Variants in NLRP5 observed in about 807,000 individuals in gnomAD.
The protein encoded by NLRP5 is NLR family pyrin domain containing 5.
Under a neutral mutation model 113.1 loss-of-function variants are expected in NLRP5, and 93 were observed. The ratio of observed to expected loss-of-function variants is 0.82; its 90% CI spans 0.70 to 0.98. The LOEUF (loss-of-function observed/expected upper bound fraction) is 0.98. Among genes scored for constraint, NLRP5 ranks in the 50% least tolerant of loss-of-function variants. NLRP5 has a pLI of 0.00. For missense variants in NLRP5, 1,808 were observed against 1,514.3 expected (o/e 1.19, Z -3.22); for synonymous variants, 751 against 600.7 (o/e 1.25, Z -3.66).
chr19:56,026,986 T>C lies in NLRP5; in HGVS notation c.753T>C (p.Arg251=), dbSNP rs762918333. The C allele has an allele frequency of 1.5e-5, 23 of 1,551,632 alleles. No homozygotes were observed. In the Admixed American group the frequency reaches 3.9e-4, roughly 26 times the overall value. Residue 251 remains arginine (R), a synonymous_variant, in exon 7 of 15, where the codon CGT becomes CGC. Coordinates refer to ENST00000390649, the MANE Select transcript of NLRP5 (RefSeq NM_153447.4). Reference sequence around the variant, plus strand: ...TCGCTGAGGAGGAGGATGTACGTCGTAGTTTTGAAAACACTGCTGCTGACT... The same window carrying C: ...TCGCTGAGGAGGAGGATGTACGTCGCAGTTTTGAAAACACTGCTGCTGACT...
chr19:56,038,209 C>T lies in NLRP5; in HGVS notation c.2786+14C>T, dbSNP rs1282345076. On this transcript the variant is annotated intron_variant, in intron 10 of 14. Transcript: ENST00000390649. ...GCAGAAGCTGATGTGAGTGCCACTT[C>T]CTTTCCACCAGGATTATCGTAACTT... The T allele has an allele frequency of 6.2e-7, 1 of 1,611,744 alleles. No individual in the cohort carries two copies. The highest frequency in any genetic ancestry group is 1.1e-5 in the South Asian group (1 of 90,968).
chr19:56,021,776 C>T (rs1338496536), intron 6 of NLRP5, among the ~76,000 whole-genome samples: 1 of 152,118 alleles, frequency 6.6e-6, no homozygotes, highest in African/African-American at 2.4e-5. Context: ...TCCCTGAACA[C>T]TCATGTCCTA....
At chr19:56,009,200 C>T (rs985940448) in intron 3 of NLRP5, among the ~76,000 whole-genome samples, 1 of 151,652 alleles carries the variant, frequency 6.6e-6, no homozygotes, top group South Asian at 2.1e-4. Flanking sequence ...AATAGCCAGA[C>T]GTGGTGGTGG....
chr19:56,015,591 C>A, intron 3 of NLRP5, 151 bp from the exon 4 acceptor site: 2 of 490,432 alleles, frequency 4.1e-6, no homozygotes, highest in South Asian at 1.2e-4. Flanking sequence ...CTGGCGCACA[C>A]TGCCCTGGCG....
At chr19:56,010,936 G>A (rs140948945) in intron 3 of NLRP5, among the ~76,000 whole-genome samples, 12 of 151,932 alleles carry the variant, frequency 7.9e-5, no homozygotes, top group South Asian at 4.2e-4. Context: ...CAGATTGCTC[G>A]AACCCAGGAG....
rs74462221 is a variant in NLRP5 at position 56,032,793 on chromosome 19, C to G, written c.2447+12C>G. 7 of 1,595,506 alleles carry G rather than the reference C, an allele frequency of 4.4e-6. No individual in the cohort carries two copies. The highest frequency in any genetic ancestry group is 6.0e-6 in the Non-Finnish European group (7 of 1,170,180). On this transcript the variant is annotated intron_variant, in intron 8 of 14. Transcript: ENST00000390649. ...ATACAGACCCTGATGTAAGGCTGCC[C>G]GCCCCCTACGAGAGAATCCCTTCCC...
chr19:56,005,517 T>A (rs1475825593), intron 2 of NLRP5, among the ~76,000 whole-genome samples: 1 of 147,694 alleles, frequency 6.8e-6, no homozygotes, highest in Non-Finnish European at 1.5e-5. Context: ...CACATATATA[T>A]TTATACACAC....
At chr19:56,019,181 A>T (rs1364225236) in intron 4 of NLRP5, 161 bp from the exon 5 acceptor site, 1 of 735,086 alleles carries the variant, frequency 1.4e-6, no homozygotes, top group Non-Finnish European at 2.3e-6. Context: ...ATTAGTGCTC[A>T]TTGTACCAGT....
chr19:56,012,465 T>C (rs896875021), intron 3 of NLRP5, among the ~76,000 whole-genome samples: 5 of 128,244 alleles, frequency 3.9e-5, no homozygotes, highest in South Asian at 4.9e-4. Context: ...TTTTTTTTTT[T>C]CCGGATAACT....
At position 55,999,908 on chromosome 19, in the gene NLRP5, A is replaced by G. The variant is rs935081911; in HGVS notation, c.62+121A>G. 23 of 750,712 alleles carry G rather than the reference A, an allele frequency of 3.1e-5. No individual in the cohort carries two copies. In the African/African-American group the frequency reaches 3.8e-4, roughly 12 times the overall value. 46.5% of individuals were successfully genotyped at this position (750,712 alleles called of 1,614,324 possible). ...TGCAATGTTATTAGCAATCCGTTGC[A>G]GCAGAACACTCCCCGGGGTAGAAAG... On this transcript the variant is annotated intron_variant, in intron 1 of 14. Coordinates refer to ENST00000390649, the MANE Select transcript of NLRP5 (RefSeq NM_153447.4).
Position 56,027,992 on chromosome 19 carries a change from C to T in NLRP5, c.1759C>T (p.Leu587Phe), listed in dbSNP as rs1283082523. ...GTACTACACCTTCTTCCACCTCAGT[C>T]TCCAGGACTTCTGTGCCGCCTTGTA... is the stretch of plus-strand genomic sequence containing the variant. The change falls in exon 7 of 15, where the codon CTC (leucine) becomes TTC (phenylalanine). Residue 587 changes from leucine to phenylalanine, a missense_variant. By Grantham distance (22) the Leu-to-Phe change is conservative. Transcript: ENST00000390649. 6 of 1,614,038 alleles carry T rather than the reference C, an allele frequency of 3.7e-6. No homozygotes were observed. Among genetic ancestry groups the T allele is most frequent in the Non-Finnish European group, 4.2e-6 (5 of 1,179,888 alleles).
chr19:56,022,949 C>A (rs1398061284), intron 6 of NLRP5, among the ~76,000 whole-genome samples: 1 of 152,146 alleles, frequency 6.6e-6, no homozygotes, highest in Non-Finnish European at 1.5e-5. Flanking sequence ...TGGTCTCGAA[C>A]TCTCAACCTC....
intron 6 of NLRP5, among the ~76,000 whole-genome samples, chr19:56,022,686 T>C (rs1398881337): frequency 6.6e-6 from 1 of 152,174 alleles, no homozygotes; most frequent in Non-Finnish European, 1.5e-5. Flanking sequence ...AGAAAAAACC[T>C]ATGAGAGAAT....
intron 8 of NLRP5, 149 bp from the exon 9 acceptor site, chr19:56,033,393 C>T (rs1441053667): frequency 1.5e-6 from 1 of 657,116 alleles, no homozygotes; most frequent in South Asian, 1.9e-5. Context: ...GTAGCTGGCC[C>T]ATCACAGGCA....
intron 2 of NLRP5, among the ~76,000 whole-genome samples, chr19:56,005,914 C>A (rs1981892244): frequency 6.6e-6 from 1 of 152,154 alleles, no homozygotes; most frequent in African/African-American, 2.4e-5. Flanking sequence ...GATAGAGGAT[C>A]TTACAAGATA....
intron 11 of NLRP5, among the ~76,000 whole-genome samples, chr19:56,045,335 C>A (rs9304771): frequency 0.5 from 75,405 of 151,960 alleles, 19,027 homozygotes; most frequent in African/African-American, 0.52. Context: ...AGCAACAAGG[C>A]TGTGTATTCA....
intron 3 of NLRP5, among the ~76,000 whole-genome samples, chr19:56,014,758 T>G (rs1982341697): frequency 6.6e-6 from 1 of 152,204 alleles, no homozygotes; most frequent in Admixed American, 6.5e-5. Context: ...CTTTCCAATC[T>G]ATTCCATTGA....
upstream of NLRP5, among the ~76,000 whole-genome samples, chr19:55,998,245 A>G (rs1175509229): frequency 3.3e-5 from 5 of 151,984 alleles, no homozygotes; most frequent in Non-Finnish European, 7.4e-5. Flanking sequence ...AGTCCCAGCT[A>G]CTTGGGGAGT....
At position 56,053,761 on chromosome 19, in the gene NLRP5, G is replaced by C. The variant is rs392801; in HGVS notation, c.3252G>C (p.Ala1084=). Reference sequence around the variant, plus strand: ...CCCTGGGTGACGGTGGGGTTGCTGCGCTGTGCGAGGGACTGAAGCAAAAGA... The same window carrying C: ...CCCTGGGTGACGGTGGGGTTGCTGCCCTGTGCGAGGGACTGAAGCAAAAGA... The change falls in exon 13 of 15, where the codon GCG becomes GCC. Residue 1084 remains alanine, a synonymous_variant. Coordinates refer to ENST00000390649, the MANE Select transcript of NLRP5 (RefSeq NM_153447.4). 1.2e-6 allele frequency: 2 copies of C among 1,613,828 alleles called. No individual in the cohort carries two copies. The highest frequency in any genetic ancestry group is 1.7e-6 in the Non-Finnish European group (2 of 1,179,852).
Sources: allele counts gnomAD v4.1 joint callset (sites outside exome capture counted in the v4.1 genomes callset), GRCh38; gene constraint gnomAD v4.1.1; transcripts MANE v1.5; gene names NCBI Gene and HGNC (gene_info 2026-07-23, HGNC 2026-07-21).